MMEL1: variants seen among roughly 807,000 people sequenced by gnomAD.
MMEL1 encodes the protein membrane metallo-endopeptidase-like 1.
MMEL1 carries 98 observed loss-of-function variants against 117.1 expected under a neutral mutation model. That is an observed-to-expected ratio of 0.84 (90% CI 0.71 to 0.99). MMEL1 has a LOEUF of 0.99. MMEL1 is among the 50% of genes least tolerant of loss of function. The probability of loss-of-function intolerance (pLI) is 0.00; values close to 1 mark genes in which losing one functional copy is unlikely to be tolerated. For synonymous variants in MMEL1, 390 were observed against 415.1 expected, an observed-to-expected ratio of 0.94 and a Z score of 0.74; for missense variants, 1,014 against 1,049.1, an observed-to-expected ratio of 0.97 and a Z score of 0.46.
chr1:2,604,118 C>T lies in MMEL1; in HGVS notation c.951+29G>A, dbSNP rs768424952. On this transcript the variant is annotated intron_variant, in intron 10 of 23. Coordinates refer to ENST00000378412, the MANE Select transcript of MMEL1 (RefSeq NM_033467.4). ...CTGGGGCTCCCAGCCCACTCGCTGC[C>T]CGCTCCCCACCCGCCCCGGCCCCCT... 30 of 1,512,630 alleles carry T rather than the reference C, an allele frequency of 2.0e-5. 1 individual carries two copies. The South Asian group carries it at 3.3e-4, about 17-fold the overall frequency. 93.7% of individuals were successfully genotyped at this position (1,512,630 alleles called of 1,614,324 possible).
At chr1:2,609,892 A>G (rs570484088) in intron 4 of MMEL1, 61 bp from the exon 5 acceptor site, 1 of 1,534,344 alleles carries the variant, frequency 6.5e-7, no homozygotes, top group Admixed American at 1.9e-5. Context: ...TGGACAGCCC[A>G]GAAGCCTGTC....
chr1:2,628,752 G>A (rs1638392343), intron 2 of MMEL1, among the ~76,000 whole-genome samples: 1 of 152,066 alleles, frequency 6.6e-6, no homozygotes, highest in South Asian at 2.1e-4. Flanking sequence ...AGGTTCCAGC[G>A]AGCAGCCCTG....
chr1:2,591,730 G>C, intron 22 of MMEL1, 97 bp from the exon 23 acceptor site: 2 of 1,160,054 alleles, frequency 1.7e-6, no homozygotes, highest in Non-Finnish European at 1.3e-6. Context: ...CCCCTTCTAG[G>C]GTGGGGTGAG....
At position 2,595,042 on chromosome 1, in the gene MMEL1, G is replaced by T; in HGVS notation, c.1585-149C>A. 1.4e-6 allele frequency: 1 copy of T among 729,004 alleles called. No homozygotes were observed. The allele number at this position is 729,004 out of a possible 1,614,324, so 45.2% of individuals were successfully genotyped here. On this transcript the variant is annotated intron_variant, in intron 16 of 23. Transcript: ENST00000378412. The surrounding 1 kb of genome is among the most constrained non-coding windows in gnomAD (Gnocchi z 4.8). ...GCTGTGGGTGCAGGTGAACGGGGCAGCCCTGGCTGTGGGCATTTACATGAC... is the reference window on the plus strand; with the variant it reads ...GCTGTGGGTGCAGGTGAACGGGGCATCCCTGGCTGTGGGCATTTACATGAC...
chr1:2,606,338 C>T lies in MMEL1; in HGVS notation c.660G>A (p.Leu220=). 6.2e-7 allele frequency: 1 copy of T among 1,611,274 alleles called. No individual in the cohort carries two copies. Among genetic ancestry groups the T allele is most frequent in the South Asian group, 1.1e-5 (1 of 91,080 alleles). The change falls in exon 8 of 24, where the codon CTG becomes CTA. Residue 220 remains leucine (L), a synonymous_variant. Coordinates refer to ENST00000378412, the MANE Select transcript of MMEL1 (RefSeq NM_033467.4). ...VGLEWELERQ[L]ALMNSQFNRR... ...TGTTGAACTGTGAGTTCATCAGCGC[C>T]AGCTGCCGCTCCAGCTCCCACTCGA...
intron 2 of MMEL1, among the ~76,000 whole-genome samples, chr1:2,618,959 G>A (rs886235786): frequency 1.4e-4 from 21 of 152,158 alleles, no homozygotes; most frequent in African/African-American, 4.3e-4. Context: ...ATGTGACTCC[G>A]TAGTTGCTCC....
chr1:2,612,817 G>A lies in MMEL1; in HGVS notation c.155-613C>T, dbSNP rs1000214335. Among the ~76,000 whole-genome samples, 1 of 152,320 alleles carries A rather than the reference G, an allele frequency of 6.6e-6. No individual in the cohort carries two copies. Among genetic ancestry groups the A allele is most frequent in the African/African-American group, 2.4e-5 (1 of 41,558 alleles). ...CAACTGCCTGGAGAGATGTATGGGA[G>A]AGGAGGGTGGGATGGAGAGAAGAGG... On this transcript the variant is annotated intron_variant, in intron 2 of 23. Transcript: ENST00000378412. The surrounding 1 kb of genome is among the most constrained non-coding windows in gnomAD (Gnocchi z 5.4).
rs751727727 is a variant in MMEL1 at position 2,591,007 on chromosome 1, G to A, written c.2323C>T (p.Arg775Ter). 1.5e-5 allele frequency: 24 copies of A among 1,596,164 alleles called. No homozygotes were observed. The highest frequency in any genetic ancestry group is 2.0e-4 in the Middle Eastern group (1 of 5,058). ...GGCCTTGGCTACCACACGCGGCATCGCTCCTTGGGGTGCATGGGGGTGCCC... is the reference window on the plus strand; with the variant it reads ...GGCCTTGGCTACCACACGCGGCATCACTCCTTGGGGTGCATGGGGGTGCCC... ...ARGTPMHPKE[R>*]CRVW Residue 775 changes from arginine (R) to a stop codon, truncating the protein, a stop_gained, in exon 24 of 24, where the codon CGA becomes TGA. Transcript: ENST00000378412. LOFTEE classifies it high-confidence loss of function.
chr1:2,596,462 T>G, intron 14 of MMEL1, 99 bp downstream of exon 14: 7 of 1,490,324 alleles, frequency 4.7e-6, no homozygotes, highest in East Asian at 4.6e-5. Flanking sequence ...CTGGGGCAGG[T>G]GCCCCTGAGC....
chr1:2,630,550 CAT>C (rs924392376), intron 1 of MMEL1, among the ~76,000 whole-genome samples: 79 of 133,622 alleles, frequency 5.9e-4, no homozygotes, highest in Admixed American at 4.0e-3. Flanking sequence ...TGTCTACGCT[CAT>C]GTGTGCATGT....
At chr1:2,604,392 G>T in intron 9 of MMEL1, 111 bp from the exon 10 acceptor site, 1 of 1,436,294 alleles carries the variant, frequency 7.0e-7, no homozygotes, top group Non-Finnish European at 9.5e-7. Flanking sequence ...CCTAATGCGT[G>T]TCCACCCACC....
At chr1:2,601,861 A>G (rs1644936977) in intron 11 of MMEL1, among the ~76,000 whole-genome samples, 1 of 152,258 alleles carries the variant, frequency 6.6e-6, no homozygotes, top group Admixed American at 6.5e-5. Flanking sequence ...CCCACTACAC[A>G]GGTGCAGAAA....
At chr1:2,600,541 A>AGG (rs1557529155) in intron 11 of MMEL1, among the ~76,000 whole-genome samples, 73 of 151,122 alleles carry the variant, frequency 4.8e-4, no homozygotes, top group African/African-American at 1.4e-3. Flanking sequence ...TCTGGGAAAA[A>AGG]AAAAAAAATC....
At chr1:2,623,258 G>A (rs1286254820) in intron 2 of MMEL1, among the ~76,000 whole-genome samples, 1 of 151,924 alleles carries the variant, frequency 6.6e-6, no homozygotes, top group Non-Finnish European at 1.5e-5. Flanking sequence ...TGCTTGTATT[G>A]TTTGGAAGAA....
intron 9 of MMEL1, 144 bp from the exon 10 acceptor site, chr1:2,604,425 C>T (rs1644988645): frequency 8.4e-7 from 1 of 1,189,600 alleles, no homozygotes; most frequent in Non-Finnish European, 1.2e-6. Context: ...CTCTCGGGCA[C>T]ACAGAGTGCC....
At position 2,629,340 on chromosome 1, in the gene MMEL1, C is replaced by A. The variant is rs938978207; in HGVS notation, c.145G>T (p.Asp49Tyr). Reference protein sequence around the residue: ...ALVALGVLYADRRGKQLPRLA... With the variant: ...ALVALGVLYAYRRGKQLPRLA... ...GGGCACCCGCACTCACCTCTGCGGT[C>A]GGCGTAGAGGACACCCAAGGCCACC... The change falls in exon 2 of 24, where the codon GAC becomes TAC. Residue 49 changes from aspartate (D) to tyrosine (Y), a missense_variant. Coordinates refer to ENST00000378412, the MANE Select transcript of MMEL1 (RefSeq NM_033467.4). The A allele has an allele frequency of 8.5e-6, 13 of 1,538,090 alleles. No homozygotes were observed. Among genetic ancestry groups the A allele is most frequent in the Non-Finnish European group, 1.1e-5 (13 of 1,144,558 alleles).
intron 6 of MMEL1, among the ~76,000 whole-genome samples, chr1:2,608,705 AATACACAT>A (rs1468044884): frequency 1.3e-5 from 2 of 152,134 alleles, no homozygotes; most frequent in African/African-American, 2.4e-5. Context: ...ATGTGCACAT[AATACACAT>A]ATACACTATA....
At chr1:2,609,925 G>A in intron 4 of MMEL1, 94 bp from the exon 5 acceptor site, 1 of 1,405,188 alleles carries the variant, frequency 7.1e-7, no homozygotes, top group Non-Finnish European at 9.6e-7. Context: ...ACACAGCCTG[G>A]TCCCTTGGGA....
chr1:2,598,613 C>CA, intron 12 of MMEL1, 41 bp downstream of exon 12: 1 of 1,610,496 alleles, frequency 6.2e-7, no homozygotes. Flanking sequence ...AGAGCAGGGG[C>CA]AAAGATGCTG....
Sources: gnomAD v4.1 joint callset for allele counts (sites outside exome capture counted in the v4.1 genomes callset) on GRCh38, gnomAD v4.1.1 for gene constraint, Gnocchi (gnomAD v3.1) non-coding constraint, MANE v1.5 for transcripts, NCBI Gene and HGNC (gene_info 2026-07-23, HGNC 2026-07-21) for gene names.